KCTD16: variants seen among roughly 807,000 people sequenced by gnomAD.
The protein encoded by KCTD16 is potassium channel tetramerization domain containing 16.
A neutral mutation model predicts 33.2 loss-of-function variants in KCTD16; 13 were observed. The ratio of observed to expected loss-of-function variants is 0.39; its 90% CI spans 0.25 to 0.62. The LOEUF is 0.62. KCTD16 is among the 20% of genes least tolerant of loss of function. The pLI, the probability that KCTD16 is intolerant of heterozygous loss-of-function variation, is 0.50. For synonymous variants in KCTD16, 197 were observed against 195.3 expected, an observed-to-expected ratio of 1.01 and a Z score of -0.07; for missense variants, 441 against 525.1, an observed-to-expected ratio of 0.84 and a Z score of 1.57.
chr5:144,397,797 G>A (rs368884064), intron 3 of KCTD16, among the ~76,000 whole-genome samples: 1 of 152,166 alleles, frequency 6.6e-6, no homozygotes, highest in South Asian at 2.1e-4. Flanking sequence ...ATACTACGAG[G>A]CTGAATTCAC....
chr5:144,320,878 G>A (rs1396778988), intron 3 of KCTD16, among the ~76,000 whole-genome samples: 2 of 151,914 alleles, frequency 1.3e-5, no homozygotes, highest in South Asian at 2.1e-4. Flanking sequence ...TTTTTGAGAC[G>A]GAGTTTCACT....
chr5:144,255,490 T>G (rs2126834956), intron 3 of KCTD16, among the ~76,000 whole-genome samples: 1 of 152,352 alleles, frequency 6.6e-6, no homozygotes, highest in South Asian at 2.1e-4. Flanking sequence ...TTGCCAACAC[T>G]TATTATCATT....
At chr5:144,219,513 C>CTTTTTTTTTTTTTTT (rs59442398) in intron 3 of KCTD16, among the ~76,000 whole-genome samples, 2 of 77,126 alleles carry the variant, frequency 2.6e-5, no homozygotes, top group Non-Finnish European at 4.6e-5. Context: ...TGTGCTGGGC[C>CTTTTTTTTTTTTTTT]TTTTTTTTTT....
intron 3 of KCTD16, among the ~76,000 whole-genome samples, chr5:144,339,126 A>G (rs760411934): frequency 6.6e-6 from 1 of 152,190 alleles, no homozygotes; most frequent in African/African-American, 2.4e-5. Context: ...ATTATTTATC[A>G]AGCCCTTACT....
intron 3 of KCTD16, among the ~76,000 whole-genome samples, chr5:144,310,979 G>A (rs1468486466): frequency 2.0e-5 from 3 of 152,178 alleles, no homozygotes. Context: ...ATTTTTTAAA[G>A]AGTAGTGTAG....
chr5:144,375,014 A>G (rs1327071137), intron 3 of KCTD16, among the ~76,000 whole-genome samples: 1 of 152,178 alleles, frequency 6.6e-6, no homozygotes, highest in Non-Finnish European at 1.5e-5. Flanking sequence ...TTATTGCAAC[A>G]TCTCTTAGGT....
chr5:144,405,697 CG>C (rs1561595901), intron 3 of KCTD16, among the ~76,000 whole-genome samples: 1 of 152,098 alleles, frequency 6.6e-6, no homozygotes, highest in Non-Finnish European at 1.5e-5. Flanking sequence ...CCTTAGAATG[CG>C]GGAAGCTGCT....
At chr5:144,372,776 G>T (rs540833902) in intron 3 of KCTD16, among the ~76,000 whole-genome samples, 1 of 152,280 alleles carries the variant, frequency 6.6e-6, no homozygotes, top group South Asian at 2.1e-4. Context: ...AGAAAAACAA[G>T]ACAGAAATAT....
chr5:144,296,936 C>A (rs1315731948), intron 3 of KCTD16, among the ~76,000 whole-genome samples: 3 of 152,124 alleles, frequency 2.0e-5, no homozygotes, highest in African/African-American at 7.2e-5. Context: ...CTATTTAATA[C>A]CCAAGGAAAA....
chr5:144,483,327 G>A lies in KCTD16; in HGVS notation c.*9213G>A, dbSNP rs1249912286. ...TGGTTAATTTCACTTTATCACTGAT[G>A]AGGGTTCCTGTGTCCCTACATGATT... On this transcript the variant is annotated 3_prime_UTR_variant, in exon 4 of 4. Coordinates refer to ENST00000512467, the MANE Select transcript of KCTD16 (RefSeq NM_020768.4). 1.3e-5 allele frequency: 2 copies of A among 151,806 alleles called. No individual in the cohort carries two copies. Among genetic ancestry groups the A allele is most frequent in the Non-Finnish European group, 2.9e-5 (2 of 67,872 alleles). The allele number at this position is 151,806 out of a possible 1,614,324, so 9.4% of individuals were successfully genotyped here.
chr5:144,207,247 G>A lies in KCTD16; in HGVS notation c.533G>A (p.Arg178Lys), dbSNP rs1753211543. ...VGYRGSCTLG[R>K]EGQADAKFRR... ...TACAGAGGATCCTGCACCTTGGGCA[G>A]AGAGGGACAGGCAGATGCCAAGTTT... Residue 178 changes from arginine (R) to lysine (K), a missense_variant, in exon 3 of 4, where the codon AGA becomes AAA. This residue lies in a region of KCTD16 where 355 missense variants were observed against 413.0 expected (regional missense o/e 0.86). Transcript: ENST00000512467. The A allele has an allele frequency of 6.2e-7, 1 of 1,614,074 alleles. No individual in the cohort carries two copies. The highest frequency in any genetic ancestry group is 1.3e-5 in the African/African-American group (1 of 74,926).
chr5:144,228,829 C>T (rs541851122), intron 3 of KCTD16, among the ~76,000 whole-genome samples: 81 of 151,900 alleles, frequency 5.3e-4, no homozygotes, highest in African/African-American at 1.9e-3. Flanking sequence ...GATATGTAGC[C>T]GATACAGTAC....
intron 3 of KCTD16, among the ~76,000 whole-genome samples, chr5:144,346,768 A>C (rs965079066): frequency 6.6e-6 from 1 of 152,196 alleles, no homozygotes; most frequent in African/African-American, 2.4e-5. Context: ...CCCTTGTCAG[A>C]TAGGTAGTTT....
intron 3 of KCTD16, among the ~76,000 whole-genome samples, chr5:144,330,221 C>A (rs1020055399): frequency 6.6e-6 from 1 of 151,594 alleles, no homozygotes; most frequent in Admixed American, 6.6e-5. Context: ...GAGACCAGCC[C>A]GACCAATATG....
At chr5:144,374,961 C>T (rs191195619) in intron 3 of KCTD16, among the ~76,000 whole-genome samples, 93 of 152,264 alleles carry the variant, frequency 6.1e-4, no homozygotes, top group Admixed American at 1.4e-3. Context: ...TGTTGTCTCC[C>T]GGTCCACACT....
At chr5:144,292,538 C>T (rs1561556044) in intron 3 of KCTD16, among the ~76,000 whole-genome samples, 1 of 152,064 alleles carries the variant, frequency 6.6e-6, no homozygotes, top group East Asian at 1.9e-4. Flanking sequence ...AGACGTGCTG[C>T]TTTGTGTGGG....
At chr5:144,444,622 G>T (rs991259734) in intron 3 of KCTD16, among the ~76,000 whole-genome samples, 27 of 151,688 alleles carry the variant, frequency 1.8e-4, no homozygotes, top group Admixed American at 1.8e-3. Context: ...AAAACCCTTA[G>T]CTTCTACTTT....
chr5:144,473,665 C>G lies in KCTD16; in HGVS notation c.838C>G (p.Pro280Ala). ...SYTEYVFYRE[P>A]SRWSPSHCDC... is the part of the protein sequence containing the mutation. Reference sequence around the variant, plus strand: ...GTCCTTTGCTTTCTTTTCAGGTGAGCCTTCCAGATGGTCACCCTCACACTG... The same window carrying G: ...GTCCTTTGCTTTCTTTTCAGGTGAGGCTTCCAGATGGTCACCCTCACACTG... Residue 280 changes from proline (P) to alanine (A), a missense_variant, in exon 4 of 4, where the codon CCT (proline) becomes GCT (alanine). Physicochemically the swap from Pro to Ala is conservative, Grantham distance 27. This residue lies in a region of KCTD16 where 355 missense variants were observed against 413.0 expected (regional missense o/e 0.86). Transcript: ENST00000512467. 1 of 1,591,596 alleles carries G rather than the reference C, an allele frequency of 6.3e-7. No individual in the cohort carries two copies. Among genetic ancestry groups the G allele is most frequent in the Non-Finnish European group, 8.6e-7 (1 of 1,164,142 alleles).
At chr5:144,231,661 G>A (rs1191302876) in intron 3 of KCTD16, among the ~76,000 whole-genome samples, 1 of 151,988 alleles carries the variant, frequency 6.6e-6, no homozygotes, top group African/African-American at 2.4e-5. Flanking sequence ...TTATGGGGGT[G>A]GTTCCCCCAT....
Sources: allele counts gnomAD v4.1 joint callset (sites outside exome capture counted in the v4.1 genomes callset), GRCh38; gene constraint gnomAD v4.1.1; regional missense constraint gnomAD v4.1.1; transcripts MANE v1.5; gene names NCBI Gene and HGNC (gene_info 2026-07-23, HGNC 2026-07-21).